Variants in BCAS3 observed in about 807,000 individuals in gnomAD.
The protein encoded by BCAS3 is BCAS4/BCAS3 fusion.
In BCAS3, 53 loss-of-function variants were observed where a neutral mutation model predicts 116.1. The ratio of observed to expected loss-of-function variants is 0.46; its 90% CI spans 0.37 to 0.57. The LOEUF (loss-of-function observed/expected upper bound fraction) is 0.57, where lower values mean the gene tolerates loss of function less well. Ranked by LOEUF, BCAS3 falls within the 20% of genes least tolerant of loss-of-function variation. The pLI, the probability that BCAS3 is intolerant of heterozygous loss-of-function variation, is 0.00. For missense variants in BCAS3, 917 were observed against 1,165.4 expected, an observed-to-expected ratio of 0.79 and a Z score of 3.10; for synonymous variants, 391 against 408.2, an observed-to-expected ratio of 0.96 and a Z score of 0.51.
intron 5 of BCAS3, among the ~76,000 whole-genome samples, chr17:60,726,326 G>C (rs752233237): frequency 6.8e-6 from 1 of 146,236 alleles, no homozygotes; most frequent in Non-Finnish European, 1.5e-5. Flanking sequence ...TTAGCCTCCC[G>C]AGTAGCTGGG....
At chr17:60,935,014 C>T (rs2059843846) in intron 13 of BCAS3, among the ~76,000 whole-genome samples, 1 of 151,964 alleles carries the variant, frequency 6.6e-6, no homozygotes, top group Non-Finnish European at 1.5e-5. Flanking sequence ...AAAAATCAGC[C>T]GGGTGTGGTG....
chr17:61,124,211 A>G lies in BCAS3; in HGVS notation c.2425+39647A>G, dbSNP rs1273478120. Among the ~76,000 whole-genome samples the G allele has an allele frequency of 6.6e-6, 1 of 152,092 alleles. No homozygotes were observed. The highest frequency in any genetic ancestry group is 1.5e-5 in the Non-Finnish European group (1 of 68,018). On this transcript the variant is annotated intron_variant, in intron 22 of 23. Transcript: ENST00000407086. The surrounding 1 kb of genome is among the most constrained non-coding windows in gnomAD (Gnocchi z 4.6). ...TTTCCTATTGGCTTCTTTAGCTGGA[A>G]AAATTATTTCTACAGGACAATAAAA...
rs78374980 is a variant in BCAS3, at chr17:61,106,038, G to A, written c.2425+21474G>A. Reference sequence around the variant, plus strand: ...CCTATCCTTTGGTCACTTGGCAGCCGTCTTGGTTGCAGTATTACAGTGCTT... The same window carrying A: ...CCTATCCTTTGGTCACTTGGCAGCCATCTTGGTTGCAGTATTACAGTGCTT... On this transcript the variant is annotated intron_variant, in intron 22 of 23. Transcript: ENST00000407086. This position sits in a 1 kb window ranked among gnomAD's most constrained non-coding sequence, Gnocchi z 4.2. Among the ~76,000 whole-genome samples the A allele has an allele frequency of 0.045, 6,839 of 152,198 alleles. 203 individuals carry two copies. Among genetic ancestry groups the A allele is most frequent in the Middle Eastern group, 0.13 (38 of 294 alleles).
intron 7 of BCAS3, among the ~76,000 whole-genome samples, chr17:60,845,642 A>G (rs1411090951): frequency 6.6e-6 from 1 of 152,244 alleles, no homozygotes; most frequent in East Asian, 1.9e-4. Flanking sequence ...TTATTGGCTT[A>G]AAGAAGATCA....
chr17:60,753,017 A>G (rs942358852), intron 6 of BCAS3, among the ~76,000 whole-genome samples: 1 of 66,628 alleles, frequency 1.5e-5, no homozygotes, highest in African/African-American at 2.7e-5. Context: ...GCTAATTTTT[A>G]AATTTTTTGT....
chr17:60,836,733 G>T (rs2051405462), intron 7 of BCAS3, among the ~76,000 whole-genome samples: 1 of 152,064 alleles, frequency 6.6e-6, no homozygotes, highest in Non-Finnish European at 1.5e-5. Flanking sequence ...GTTGTCATAT[G>T]GTACTTTTAG....
Position 61,323,964 on chromosome 17 carries a change from C to T in BCAS3, c.2426-44363C>T, listed in dbSNP as rs141927372. 2.0e-5 allele frequency among the ~76,000 whole-genome samples: 3 copies of T among 152,326 alleles called. No individual in the cohort carries two copies. The highest frequency in any genetic ancestry group is 3.9e-4 in the East Asian group (2 of 5,184). On this transcript the variant is annotated intron_variant, in intron 22 of 23. Coordinates refer to ENST00000407086, the MANE Select transcript of BCAS3 (RefSeq NM_017679.5). The surrounding 1 kb of genome is among the most constrained non-coding windows in gnomAD (Gnocchi z 4.6). ...TGATAGCTCATTGTCAAAGGTTGGG[C>T]GGGAGACGAGGTAAGAACTGTTAGT...
chr17:61,229,824 C>T lies in BCAS3; in HGVS notation c.2426-138503C>T, dbSNP rs553006426. 2.6e-5 allele frequency among the ~76,000 whole-genome samples: 4 copies of T among 152,244 alleles called. No individual in the cohort carries two copies. The highest frequency in any genetic ancestry group is 4.8e-5 in the African/African-American group (2 of 41,556). ...TCTCCTGAAGCTAGGCTTTTATCTT[C>T]GAATTATAAGATAGTGTTGGCTGGG... On this transcript the variant is annotated intron_variant, in intron 22 of 23. Transcript: ENST00000407086. This position sits in a 1 kb window ranked among gnomAD's most constrained non-coding sequence, Gnocchi z 4.4.
At chr17:61,330,868 G>A (rs2056216568) in intron 22 of BCAS3, among the ~76,000 whole-genome samples, 1 of 152,240 alleles carries the variant, frequency 6.6e-6, no homozygotes, top group South Asian at 2.1e-4. Flanking sequence ...AGCCAATGGT[G>A]GTGAATGGTC....
In BCAS3 at chr17:61,126,576, C is replaced by T. The variant is rs1056707503; in HGVS notation, c.2425+42012C>T. On this transcript the variant is annotated intron_variant, in intron 22 of 23. Transcript: ENST00000407086. This position sits in a 1 kb window ranked among gnomAD's most constrained non-coding sequence, Gnocchi z 4.6. ...TATATAGTCATTGGGTGAAAGATTG[C>T]AGAAGTTGAACCACTAGTTTTGAAA... Among the ~76,000 whole-genome samples the T allele has an allele frequency of 6.6e-6, 1 of 152,234 alleles. No individual in the cohort carries two copies. Among genetic ancestry groups the T allele is most frequent in the Admixed American group, 6.5e-5 (1 of 15,290 alleles).
intron 23 of BCAS3, chr17:61,382,649 C>T (rs1190635537): frequency 1.3e-5 from 2 of 150,574 alleles, no homozygotes; most frequent in African/African-American, 4.9e-5. Context: ...GAGCAAGACC[C>T]TGCCTCCAAA....
At position 61,233,357 on chromosome 17, in the gene BCAS3, T is replaced by C. The variant is rs2082806232; in HGVS notation, c.2426-134970T>C. On this transcript the variant is annotated intron_variant, in intron 22 of 23. Coordinates refer to ENST00000407086, the MANE Select transcript of BCAS3 (RefSeq NM_017679.5). This position sits in a 1 kb window ranked among gnomAD's most constrained non-coding sequence, Gnocchi z 4.3. ...GCTGCCCAGAACACTCTGTGGCTAA[T>C]GGCTTTTGCAGAAGTGATTCTACAA... Among the ~76,000 whole-genome samples the C allele has an allele frequency of 6.6e-6, 1 of 152,222 alleles. No homozygotes were observed. The highest frequency in any genetic ancestry group is 1.5e-5 in the Non-Finnish European group (1 of 68,026).
Position 61,323,221 on chromosome 17 carries a change from A to G in BCAS3, c.2426-45106A>G, listed in dbSNP as rs2055452810. 6.6e-6 allele frequency among the ~76,000 whole-genome samples: 1 copy of G among 152,134 alleles called. No individual in the cohort carries two copies. Among genetic ancestry groups the G allele is most frequent in the Non-Finnish European group, 1.5e-5 (1 of 68,030 alleles). Reference sequence around the variant, plus strand: ...CAAAGGGGAGGCTTTTAAAAATGAGAAGACTTTTGTCTAGAGCCCAAACTT... The same window carrying G: ...CAAAGGGGAGGCTTTTAAAAATGAGGAGACTTTTGTCTAGAGCCCAAACTT... On this transcript the variant is annotated intron_variant, in intron 22 of 23. Transcript: ENST00000407086. This position sits in a 1 kb window ranked among gnomAD's most constrained non-coding sequence, Gnocchi z 4.6.
chr17:60,746,797 A>T (rs545175003), intron 5 of BCAS3, among the ~76,000 whole-genome samples: 26 of 152,288 alleles, frequency 1.7e-4, no homozygotes, highest in African/African-American at 5.8e-4. Context: ...TGCAATAAGT[A>T]TTGCTTTTTC....
intron 23 of BCAS3, among the ~76,000 whole-genome samples, chr17:61,385,250 G>A (rs1176008157): frequency 1.3e-5 from 2 of 152,140 alleles, no homozygotes; most frequent in African/African-American, 2.4e-5. Context: ...AGGTGCCAGC[G>A]CCAGCACCAG....
intron 15 of BCAS3, among the ~76,000 whole-genome samples, chr17:61,005,749 G>A (rs1222507225): frequency 6.9e-6 from 1 of 145,466 alleles, no homozygotes; most frequent in Non-Finnish European, 1.5e-5. Context: ...TACATTTTGT[G>A]GCTATACTTT....
At chr17:60,821,572 G>A (rs1173996401) in intron 7 of BCAS3, 1 of 151,990 alleles carries the variant, frequency 6.6e-6, no homozygotes, top group Non-Finnish European at 1.5e-5. Flanking sequence ...CTATAGATTA[G>A]TTTGCGTTTT....
At position 61,367,165 on chromosome 17, in the gene BCAS3, G is replaced by A. The variant is rs1000229504; in HGVS notation, c.2426-1162G>A. Among the ~76,000 whole-genome samples, 9 of 152,192 alleles carry A rather than the reference G, an allele frequency of 5.9e-5. No homozygotes were observed. Among genetic ancestry groups the A allele is most frequent in the Non-Finnish European group, 5.9e-5 (4 of 68,042 alleles). Reference sequence around the variant, plus strand: ...AGAAGCAAGGCCTGATAAAGAGTGCGTGTTTCGTGTACTTTTAACTTTGGG... The same window carrying A: ...AGAAGCAAGGCCTGATAAAGAGTGCATGTTTCGTGTACTTTTAACTTTGGG... On this transcript the variant is annotated intron_variant, in intron 22 of 23. Transcript: ENST00000407086. This position sits in a 1 kb window ranked among gnomAD's most constrained non-coding sequence, Gnocchi z 6.2.
At chr17:60,829,296 C>A (rs9903016) in intron 7 of BCAS3, among the ~76,000 whole-genome samples, 33,179 of 151,698 alleles carry the variant, frequency 0.22, 4,671 homozygotes, top group African/African-American at 0.41. Flanking sequence ...AGTTCAAGAC[C>A]AGCCTGGCCA....
Sources: allele counts gnomAD v4.1 joint callset (sites outside exome capture counted in the v4.1 genomes callset), GRCh38; gene constraint gnomAD v4.1.1; non-coding constraint Gnocchi (gnomAD v3.1); transcripts MANE v1.5; gene names NCBI Gene and HGNC (gene_info 2026-07-23, HGNC 2026-07-21).